Variants in EPHA5 observed in about 807,000 individuals in gnomAD.
EPHA5 encodes the protein EPH receptor A5.
Under a neutral mutation model 105.0 loss-of-function variants are expected in EPHA5, and 60 were observed. That is an observed-to-expected ratio of 0.57 (90% CI 0.46 to 0.71). The LOEUF is 0.71. Among genes scored for constraint, EPHA5 ranks in the 30% least tolerant of loss-of-function variants. The probability of loss-of-function intolerance (pLI) is 0.00; values close to 1 mark genes in which losing one functional copy is unlikely to be tolerated. For missense variants in EPHA5, 1,218 were observed against 1,274.7 expected, an observed-to-expected ratio of 0.96 and a Z score of 0.68; for synonymous variants, 513 against 449.1, an observed-to-expected ratio of 1.14 and a Z score of -1.80.
rs753230187 is a variant in EPHA5, at chr4:65,601,980, G to A, written c.571C>T (p.Arg191Cys). The A allele has an allele frequency of 1.2e-6, 2 of 1,613,936 alleles. No individual in the cohort carries two copies. Among genetic ancestry groups the A allele is most frequent in the African/African-American group, 1.3e-5 (1 of 74,892 alleles). Residue 191 changes from arginine to cysteine, a missense_variant, in exon 3 of 17, where the codon CGT becomes TGT. Physicochemically the swap from Arg to Cys is radical, Grantham distance 180. Transcript: ENST00000613740. ...ESFTELDLGD[R>C]VMKLNTEVRD... ...ACCTCTGTATTCAGTTTCATAACAC[G>A]GTCACCAAGATCAAGTTCTGTAAAG...
Position 65,565,038 on chromosome 4 carries a change from A to T in EPHA5, c.910+36603T>A, listed in dbSNP as rs188898453. Among the ~76,000 whole-genome samples, 4 of 151,808 alleles carry T rather than the reference A, an allele frequency of 2.6e-5. No individual in the cohort carries two copies. In the East Asian group the frequency reaches 7.7e-4, roughly 29 times the overall value. On this transcript the variant is annotated intron_variant, in intron 3 of 16. Coordinates refer to ENST00000613740, the MANE Select transcript of EPHA5 (RefSeq NM_001281766.3). Reference sequence around the variant, plus strand: ...ATATTATACAGTTAATTAAAAATAGATAGAGGGCTGGCAGAAGCATATAGA... The same window carrying T: ...ATATTATACAGTTAATTAAAAATAGTTAGAGGGCTGGCAGAAGCATATAGA...
At chr4:65,410,045 G>C (rs1373495892) in intron 7 of EPHA5, among the ~76,000 whole-genome samples, 1 of 152,122 alleles carries the variant, frequency 6.6e-6, no homozygotes, top group Non-Finnish European at 1.5e-5. Context: ...ACAATCCAGT[G>C]TTGTACTTTT....
chr4:65,409,384 A>G (rs984132054), intron 7 of EPHA5, among the ~76,000 whole-genome samples: 1 of 151,228 alleles, frequency 6.6e-6, no homozygotes, highest in Non-Finnish European at 1.5e-5. Context: ...AGAGCTTTGT[A>G]AGCCGGAAAA....
intron 7 of EPHA5, among the ~76,000 whole-genome samples, chr4:65,414,011 GAA>G (rs1359366177): frequency 6.6e-6 from 1 of 152,146 alleles, no homozygotes; most frequent in Non-Finnish European, 1.5e-5. Flanking sequence ...GCAGTAGAAA[GAA>G]AGTCTTTAAA....
At chr4:65,459,836 AG>A (rs1727960858) in intron 5 of EPHA5, among the ~76,000 whole-genome samples, 1 of 151,872 alleles carries the variant, frequency 6.6e-6, no homozygotes, top group Non-Finnish European at 1.5e-5. Context: ...AATCTAAAAA[AG>A]AAGATAGTTA....
At chr4:65,580,363 C>A (rs1741492851) in intron 3 of EPHA5, among the ~76,000 whole-genome samples, 1 of 151,768 alleles carries the variant, frequency 6.6e-6, no homozygotes, top group African/African-American at 2.4e-5. Context: ...TTTGCTGAAA[C>A]TAAATGCTAC....
At chr4:65,473,184 G>C (rs112100685) in intron 5 of EPHA5, among the ~76,000 whole-genome samples, 3 of 152,050 alleles carry the variant, frequency 2.0e-5, no homozygotes, top group African/African-American at 7.2e-5. Flanking sequence ...TCAGCATTTT[G>C]GTCAAAAAAC....
At chr4:65,630,283 C>T (rs1746514660) in intron 2 of EPHA5, among the ~76,000 whole-genome samples, 3 of 152,086 alleles carry the variant, frequency 2.0e-5, no homozygotes, top group South Asian at 4.2e-4. Context: ...CGGGTGGGCT[C>T]AAGCATGTTC....
At chr4:65,643,315 T>TAA in intron 2 of EPHA5, 48 bp downstream of exon 2, 2 of 1,399,370 alleles carry the variant, frequency 1.4e-6, no homozygotes, top group Non-Finnish European at 1.0e-6. Context: ...AGTATCAAGA[T>TAA]GCTTACGCAC....
intron 15 of EPHA5, among the ~76,000 whole-genome samples, chr4:65,334,353 C>G (rs1720968171): frequency 6.6e-6 from 1 of 151,934 alleles, no homozygotes; most frequent in Non-Finnish European, 1.5e-5. Flanking sequence ...CAGAAAGAAA[C>G]AGTTGGAGAG....
intron 8 of EPHA5, among the ~76,000 whole-genome samples, chr4:65,373,999 C>A (rs17086141): frequency 6.6e-6 from 1 of 151,788 alleles, no homozygotes; most frequent in Admixed American, 6.6e-5. Context: ...TTTCTGTAAG[C>A]ACAAACACAG....
In EPHA5 at chr4:65,395,364, G is replaced by T. The variant is rs953684554; in HGVS notation, c.1793+9010C>A. On this transcript the variant is annotated intron_variant, in intron 8 of 16. Coordinates refer to ENST00000613740, the MANE Select transcript of EPHA5 (RefSeq NM_001281766.3). ...TCATATGTCCTGGACTTACCTTTGT[G>T]TTTATGTGCAATAAGTGTCCAAAAA... 3.3e-5 allele frequency among the ~76,000 whole-genome samples: 5 copies of T among 152,174 alleles called. No homozygotes were observed. In the East Asian group the frequency reaches 9.6e-4, roughly 29 times the overall value.
intron 3 of EPHA5, among the ~76,000 whole-genome samples, chr4:65,503,636 CATAAA>C (rs1479531947): frequency 6.6e-6 from 1 of 151,470 alleles, no homozygotes; most frequent in Non-Finnish European, 1.5e-5. Context: ...ATAAATGAAA[CATAAA>C]ATAAATTTGG....
rs181809872 is a variant in EPHA5 at position 65,592,441 on chromosome 4, G to A, written c.910+9200C>T. 2.0e-3 allele frequency among the ~76,000 whole-genome samples: 299 copies of A among 151,930 alleles called. 5 individuals carry two copies. Among genetic ancestry groups the A allele is most frequent in the Non-Finnish European group, 1.5e-3 (100 of 67,976 alleles). The stretch of plus-strand genomic sequence containing the variant: ...AAAGGCCATAGCCTGGTACCAAGTG[G>A]GGAGACCTTCAGAGAACCTGAAACT... On this transcript the variant is annotated intron_variant, in intron 3 of 16. Transcript: ENST00000613740.
intron 8 of EPHA5, chr4:65,376,983 G>A (rs1323227114): frequency 6.3e-7 from 1 of 1,596,988 alleles, no homozygotes; most frequent in Non-Finnish European, 8.5e-7. Context: ...AGTGAAAGTG[G>A]GAGGGAACAC....
chr4:65,619,184 T>C (rs1745499663), intron 2 of EPHA5, among the ~76,000 whole-genome samples: 1 of 152,072 alleles, frequency 6.6e-6, no homozygotes. Flanking sequence ...TACAATCAGC[T>C]GGATGTTTAC....
intron 3 of EPHA5, among the ~76,000 whole-genome samples, chr4:65,546,805 C>A (rs954301085): frequency 2.6e-5 from 4 of 151,970 alleles, no homozygotes; most frequent in Admixed American, 1.3e-4. Context: ...TTTAAATAAC[C>A]ATTGAGTTCT....
At chr4:65,642,513 G>A (rs902219656) in intron 2 of EPHA5, among the ~76,000 whole-genome samples, 1 of 151,464 alleles carries the variant, frequency 6.6e-6, no homozygotes, top group African/African-American at 2.4e-5. Context: ...ATGTCTTTAA[G>A]TACATCTGTA....
intron 7 of EPHA5, among the ~76,000 whole-genome samples, chr4:65,405,921 G>T (rs1237310053): frequency 6.6e-6 from 1 of 151,656 alleles, no homozygotes; most frequent in East Asian, 1.9e-4. Context: ...TTTGGCAGAG[G>T]TCACTGTTTC....
Sources: allele counts gnomAD v4.1 joint callset (sites outside exome capture counted in the v4.1 genomes callset), GRCh38; gene constraint gnomAD v4.1.1; transcripts MANE v1.5; gene names NCBI Gene and HGNC (gene_info 2026-07-23, HGNC 2026-07-21).